Variants in MAGI3 observed in about 807,000 individuals in gnomAD.
MAGI3 encodes membrane associated guanylate kinase, WW and PDZ domain containing 3.
MAGI3 carries 43 observed loss-of-function variants against 121.8 expected under a neutral mutation model. The ratio of observed to expected loss-of-function variants is 0.35; its 90% CI spans 0.28 to 0.46. The LOEUF (loss-of-function observed/expected upper bound fraction) is 0.46. MAGI3 is among the 20% of genes least tolerant of loss of function. MAGI3 has a pLI of 1.00. For synonymous variants in MAGI3, 553 were observed against 639.3 expected, an observed-to-expected ratio of 0.86 and a Z score of 2.04; for missense variants, 1,547 against 1,797.3, an observed-to-expected ratio of 0.86 and a Z score of 2.52.
chr1:113,669,977 A>G (rs7512645), intron 16 of MAGI3, among the ~76,000 whole-genome samples: 3,117 of 149,350 alleles, frequency 0.021, 115 homozygotes, highest in African/African-American at 0.073. Flanking sequence ...ATAGCAATAT[A>G]AAAGAGCAAC....
At chr1:113,436,544 AC>A (rs1386095944) in intron 1 of MAGI3, among the ~76,000 whole-genome samples, 3 of 152,112 alleles carry the variant, frequency 2.0e-5, no homozygotes, top group Non-Finnish European at 4.4e-5. Context: ...AAAAGTTAGG[AC>A]ATTTGGGGTT....
intron 2 of MAGI3, among the ~76,000 whole-genome samples, chr1:113,566,701 C>T (rs1411612758): frequency 6.6e-6 from 1 of 151,876 alleles, no homozygotes; most frequent in Non-Finnish European, 1.5e-5. Context: ...TCTTAAACAA[C>T]CAGTGGATCA....
At chr1:113,596,330 A>T (rs936806307) in intron 6 of MAGI3, among the ~76,000 whole-genome samples, 1 of 152,212 alleles carries the variant, frequency 6.6e-6, no homozygotes, top group Non-Finnish European at 1.5e-5. Flanking sequence ...ACTTCATACA[A>T]ACAGTTAATT....
chr1:113,633,245 T>C (rs1201940231), intron 9 of MAGI3, among the ~76,000 whole-genome samples: 3 of 20,716 alleles, frequency 1.4e-4, no homozygotes, highest in African/African-American at 5.0e-4. Context: ...ATCATTTTTT[T>C]TTTTTTTTTT....
intron 16 of MAGI3, among the ~76,000 whole-genome samples, chr1:113,663,387 C>T (rs1653883028): frequency 6.6e-6 from 1 of 151,856 alleles, no homozygotes; most frequent in Non-Finnish European, 1.5e-5. Flanking sequence ...ACCCCCATCC[C>T]TAGGCAACCA....
At position 113,683,430 on chromosome 1, in the gene MAGI3, A is replaced by G. The variant is rs1360556644; in HGVS notation, c.3862A>G (p.Ser1288Gly). 6.2e-6 allele frequency: 10 copies of G among 1,613,926 alleles called. No homozygotes were observed. Among genetic ancestry groups the G allele is most frequent in the Non-Finnish European group, 8.5e-6 (10 of 1,179,908 alleles). ...QCRKSRGRSA[S>G]PKKQQKIEGS... is the part of the protein sequence containing the mutation. ...CAGAAAAAGCAGAGGTCGGTCGGCC[A>G]GCCCAAAAAAGCAGCAAAAAATTGA... Residue 1288 changes from serine (S) to glycine (G), a missense_variant, in exon 21 of 21, where the codon AGC becomes GGC. Physicochemically the swap from Ser to Gly is moderately conservative, Grantham distance 56. Coordinates refer to ENST00000307546, the MANE Select transcript of MAGI3 (RefSeq NM_001142782.2).
intron 1 of MAGI3, among the ~76,000 whole-genome samples, chr1:113,484,973 C>G (rs992267407): frequency 3.3e-5 from 5 of 151,624 alleles, no homozygotes; most frequent in African/African-American, 1.2e-4. Context: ...ACCTTGTGAT[C>G]TGCCGGCTTT....
intron 1 of MAGI3, among the ~76,000 whole-genome samples, chr1:113,481,883 C>T (rs897061845): frequency 6.6e-6 from 1 of 151,980 alleles, no homozygotes; most frequent in Non-Finnish European, 1.5e-5. Context: ...ATATTCCTTT[C>T]TGGAGATATT....
chr1:113,507,229 G>A (rs1182795576), intron 1 of MAGI3, among the ~76,000 whole-genome samples: 1 of 152,170 alleles, frequency 6.6e-6, no homozygotes, highest in African/African-American at 2.4e-5. Flanking sequence ...GGTAGCTGCT[G>A]TAGCTGTTTT....
chr1:113,461,648 C>T (rs1655042506), intron 1 of MAGI3, among the ~76,000 whole-genome samples: 1 of 152,066 alleles, frequency 6.6e-6, no homozygotes, highest in Non-Finnish European at 1.5e-5. Flanking sequence ...CAATACCATC[C>T]TGGACATAGA....
chr1:113,516,032 C>A (rs2101619695), intron 1 of MAGI3, among the ~76,000 whole-genome samples: 1 of 152,150 alleles, frequency 6.6e-6, no homozygotes, highest in Non-Finnish European at 1.5e-5. Context: ...ATACCACTCC[C>A]TTGTGACAAT....
At position 113,418,057 on chromosome 1, in the gene MAGI3, G is replaced by C. The variant is rs72687922; in HGVS notation, c.316+26708G>C. On this transcript the variant is annotated intron_variant, in intron 1 of 20. Transcript: ENST00000307546. ...TGGGCTTTTTCGACCTAAGACCTGG[G>C]GTCCTTGGTTTCAGTCTTTTGTTTT... Among the ~76,000 whole-genome samples, 466 of 151,714 alleles carry C rather than the reference G, an allele frequency of 3.1e-3. 2 individuals carry two copies. The highest frequency in any genetic ancestry group is 5.5e-3 in the Non-Finnish European group (376 of 67,906).
chr1:113,542,405 G>A (rs1158376360), intron 1 of MAGI3, among the ~76,000 whole-genome samples: 1 of 152,196 alleles, frequency 6.6e-6, no homozygotes, highest in East Asian at 1.9e-4. Flanking sequence ...AATTGTTTAT[G>A]TCTGGAACTT....
intron 1 of MAGI3, among the ~76,000 whole-genome samples, chr1:113,483,791 G>C (rs937682747): frequency 6.6e-6 from 1 of 151,992 alleles, no homozygotes; most frequent in African/African-American, 2.4e-5. Context: ...TTCACACGTC[G>C]GAAGAGTTGC....
At chr1:113,562,662 A>G (rs1377502330) in intron 2 of MAGI3, among the ~76,000 whole-genome samples, 1 of 152,190 alleles carries the variant, frequency 6.6e-6, no homozygotes, top group Non-Finnish European at 1.5e-5. Context: ...ATGGTGGGGA[A>G]CAACACACAC....
At position 113,622,863 on chromosome 1, in the gene MAGI3, G is replaced by A. The variant is rs41283512; in HGVS notation, c.1229G>A (p.Arg410Gln). Residue 410 changes from arginine (R) to glutamine (Q), a missense_variant, in exon 9 of 21, where the codon CGA becomes CAA. Physicochemically the swap from Arg to Gln is conservative, Grantham distance 43. Transcript: ENST00000307546. ...TCCCAGCTTAAAGGTGTCCTTGTTC[G>A]AGCATCACTGAAAAAAAGCACAATG... ...DPSQLKGVLV[R>Q]ASLKKSTMGF... 646 of 1,600,112 alleles carry A rather than the reference G, an allele frequency of 4.0e-4. 1 individual carries two copies. The highest frequency in any genetic ancestry group is 5.1e-4 in the Non-Finnish European group (598 of 1,174,948).
In MAGI3 at chr1:113,478,388, T is replaced by C. The variant is rs559903586; in HGVS notation, c.317-71127T>C. Among the ~76,000 whole-genome samples the C allele has an allele frequency of 7.5e-4, 114 of 152,322 alleles. 2 individuals are homozygous for C. The highest frequency in any genetic ancestry group is 2.7e-3 in the African/African-American group (112 of 41,578). On this transcript the variant is annotated intron_variant, in intron 1 of 20. Transcript: ENST00000307546. ...GGTTTTATCTACCTTTGGTCTTTGA[T>C]GTTGGTGACCTACAGATGGGGTTTT...
chr1:113,468,859 C>T (rs971723974), intron 1 of MAGI3, among the ~76,000 whole-genome samples: 2 of 142,862 alleles, frequency 1.4e-5, no homozygotes, highest in African/African-American at 5.2e-5. Flanking sequence ...TAGGACAGTG[C>T]TATTCTGACA....
chr1:113,555,826 C>T (rs1219669628), intron 2 of MAGI3, among the ~76,000 whole-genome samples: 1 of 151,714 alleles, frequency 6.6e-6, no homozygotes, highest in Non-Finnish European at 1.5e-5. Context: ...TCCCTTGAGC[C>T]CAGGAGTTTG....
Sources: gnomAD v4.1 joint callset for allele counts (sites outside exome capture counted in the v4.1 genomes callset) on GRCh38, gnomAD v4.1.1 for gene constraint, MANE v1.5 for transcripts, NCBI Gene and HGNC (gene_info 2026-07-23, HGNC 2026-07-21) for gene names.